The following MET variants were observed in gnomAD, a reference collection of about 807,000 sequenced individuals.
MET encodes the protein MET proto-oncogene, receptor tyrosine kinase.
A neutral mutation model predicts 133.1 loss-of-function variants in MET; 48 were observed. The ratio of observed to expected loss-of-function variants is 0.36; its 90% CI spans 0.29 to 0.46. MET has a LOEUF of 0.46. Among genes scored for constraint, MET ranks in the 20% least tolerant of loss-of-function variants. The probability of loss-of-function intolerance (pLI) is 1.00; values close to 1 mark genes in which losing one functional copy is unlikely to be tolerated. For missense variants in MET, 1,442 were observed against 1,695.9 expected (o/e 0.85, Z 2.63); for synonymous variants, 628 against 616.5 (o/e 1.02, Z -0.28).
At position 116,778,762 on chromosome 7, in the gene MET, A is replaced by C. The variant is rs374906579; in HGVS notation, c.3341-14A>C. On this transcript the variant is annotated splice_polypyrimidine_tract_variant and intron_variant, in intron 16 of 20. Coordinates refer to ENST00000397752, the MANE Select transcript of MET (RefSeq NM_000245.4). Reference sequence around the variant, plus strand: ...CCATAATGAAGTTAATGTCTCCACCACTGGATTTCTCAGGAATCACTGACA... The same window carrying C: ...CCATAATGAAGTTAATGTCTCCACCCCTGGATTTCTCAGGAATCACTGACA... 3.1e-6 allele frequency: 5 copies of C among 1,613,686 alleles called. No individual in the cohort carries two copies. The African/African-American group carries it at 4.0e-5, about 13-fold the overall frequency.
At chr7:116,733,096 T>C (rs1793079770) in intron 3 of MET, among the ~76,000 whole-genome samples, 1 of 152,164 alleles carries the variant, frequency 6.6e-6, no homozygotes. Context: ...ATTCTATCCT[T>C]AACTTCTCAA....
chr7:116,672,591 C>A lies in MET; in HGVS notation c.-15+14C>A, dbSNP rs1329709083. On this transcript the variant is annotated intron_variant, in intron 1 of 20. Coordinates refer to ENST00000397752, the MANE Select transcript of MET (RefSeq NM_000245.4). Reference sequence around the variant, plus strand: ...GGGCACCGAAAGGTAAAATTGCAGCCCCTTTCAGATCCAGTACCCAATCCC... The same window carrying A: ...GGGCACCGAAAGGTAAAATTGCAGCACCTTTCAGATCCAGTACCCAATCCC... 2.6e-6 allele frequency: 1 copy of A among 386,572 alleles called. No individual in the cohort carries two copies. The highest frequency in any genetic ancestry group is 4.6e-6 in the Non-Finnish European group (1 of 218,198). 23.9% of individuals were successfully genotyped at this position (386,572 alleles called of 1,614,324 possible).
At chr7:116,740,811 G>C (rs776541753) in intron 4 of MET, 41 bp from the exon 5 acceptor site, 1 of 1,610,392 alleles carries the variant, frequency 6.2e-7, no homozygotes, top group South Asian at 1.1e-5. Flanking sequence ...TAACAAACTA[G>C]ATACCCCTCT....
At position 116,700,043 on chromosome 7, in the gene MET, C is replaced by T. The variant is rs35776110; in HGVS notation, c.959C>T (p.Ala320Val). The T allele has an allele frequency of 2.2e-4, 357 of 1,613,886 alleles. No individual in the cohort carries two copies. Among genetic ancestry groups the T allele is most frequent in the African/African-American group, 8.9e-4 (67 of 74,994 alleles). ...KKEVFNILQA[A>V]YVSKPGAQLA... ...GAAGTGTTTAATATACTTCAGGCTG[C>T]GTATGTCAGCAAGCCTGGGGCCCAG... is the stretch of plus-strand genomic sequence containing the variant. The change falls in exon 2 of 21, where the codon GCG becomes GTG. Residue 320 changes from alanine to valine, a missense_variant. Physicochemically the swap from Ala to Val is moderately conservative, Grantham distance 64. This residue lies in a region of MET where 762 missense variants were observed against 792.4 expected (regional missense o/e 0.96). Coordinates refer to ENST00000397752, the MANE Select transcript of MET (RefSeq NM_000245.4).
rs549959989 is a variant in MET, at chr7:116,698,051, G to A, written c.-14-1020G>A. Among the ~76,000 whole-genome samples, 7 of 152,036 alleles carry A rather than the reference G, an allele frequency of 4.6e-5. No homozygotes were observed. The South Asian group carries it at 1.5e-3, about 32-fold the overall frequency. On this transcript the variant is annotated intron_variant, in intron 1 of 20. Transcript: ENST00000397752. ...CATGATGCCTAGTATGTTTTTAGAGGCTCCCTTTGTCCTATCAGAATTATG... is the reference window on the plus strand; with the variant it reads ...CATGATGCCTAGTATGTTTTTAGAGACTCCCTTTGTCCTATCAGAATTATG...
chr7:116,708,105 A>G (rs1321072964), intron 2 of MET, among the ~76,000 whole-genome samples: 1 of 152,144 alleles, frequency 6.6e-6, no homozygotes, highest in African/African-American at 2.4e-5. Context: ...ACAAGCAGAT[A>G]GACTAGTGAA....
At chr7:116,769,610 G>A (rs1487995995) in intron 11 of MET, 35 bp from the exon 12 acceptor site, 1 of 1,599,538 alleles carries the variant, frequency 6.3e-7, no homozygotes, top group Non-Finnish European at 8.5e-7. Context: ...GAACTGTGAA[G>A]TGTTAACAAC....
intron 5 of MET, among the ~76,000 whole-genome samples, chr7:116,745,211 C>A (rs1200134436): frequency 1.3e-5 from 2 of 152,088 alleles, no homozygotes; most frequent in African/African-American, 4.8e-5. Context: ...ACCTAGGAAT[C>A]CAACTTACAA....
At position 116,771,623 on chromosome 7, in the gene MET, C is replaced by A. The variant is rs1363551867; in HGVS notation, c.2856C>A (p.Phe952Leu). The A allele has an allele frequency of 6.2e-7, 1 of 1,613,696 alleles. No individual in the cohort carries two copies. Among genetic ancestry groups the A allele is most frequent in the Non-Finnish European group, 8.5e-7 (1 of 1,179,804 alleles). ...CACTGTTATTACTACTTGGGTTTTT[C>A]CTGTGGCTGAAAAAGAGAAAGCAAA... is the stretch of plus-strand genomic sequence containing the variant. ...STALLLLLGF[F>L]LWLKKRKQIK... Residue 952 changes from phenylalanine to leucine, a missense_variant, in exon 13 of 21, where the codon TTC becomes TTA. Physicochemically the swap from Phe to Leu is conservative, Grantham distance 22. This residue lies in a region of MET where 514 missense variants were observed against 659.6 expected (regional missense o/e 0.78). Coordinates refer to ENST00000397752, the MANE Select transcript of MET (RefSeq NM_000245.4).
chr7:116,795,818 G>A (rs762466945), intron 20 of MET, 27 bp downstream of exon 20: 117 of 1,613,992 alleles, frequency 7.2e-5, no homozygotes, highest in Non-Finnish European at 8.8e-5. Context: ...TACCTCTTAC[G>A]TTCTTTACTT....
At chr7:116,713,362 T>C in intron 2 of MET, among the ~76,000 whole-genome samples, 1 of 144,346 alleles carries the variant, frequency 6.9e-6, no homozygotes, top group Admixed American at 7.1e-5. Context: ...GCCACTGCAC[T>C]CCAGCCTGGG....
At chr7:116,678,303 G>T (rs1051722054) in intron 1 of MET, among the ~76,000 whole-genome samples, 2 of 152,082 alleles carry the variant, frequency 1.3e-5, no homozygotes, top group Non-Finnish European at 2.9e-5. Context: ...AATATATCAT[G>T]AAACAGTGCA....
In MET at chr7:116,741,067, GTT is replaced by G. The variant is rs112241458; in HGVS notation, c.1701+57_1701+58del. On this transcript the variant is annotated intron_variant, in intron 5 of 20. Transcript: ENST00000397752. Reference sequence around the variant, plus strand: ...GCTGGCATACATGTTTTTGTTTGGTGTTTTTTTTTTTTTTTTGGTTTGGTTTG... The same window carrying G: ...GCTGGCATACATGTTTTTGTTTGGTGTTTTTTTTTTTTTTGGTTTGGTTTG... 13,445 of 1,285,238 alleles carry G rather than the reference GTT, an allele frequency of 0.01. No individual in the cohort carries two copies. Among genetic ancestry groups the G allele is most frequent in the East Asian group, 0.012 (449 of 37,520 alleles). 79.6% of individuals were successfully genotyped at this position (1,285,238 alleles called of 1,614,324 possible).
rs559269443 is a variant in MET at position 116,750,760 on chromosome 7, G to A, written c.1702-4595G>A. Among the ~76,000 whole-genome samples, 9 of 152,218 alleles carry A rather than the reference G, an allele frequency of 5.9e-5. No individual in the cohort carries two copies. The South Asian group carries it at 1.9e-3, about 32-fold the overall frequency. On this transcript the variant is annotated intron_variant, in intron 5 of 20. Coordinates refer to ENST00000397752, the MANE Select transcript of MET (RefSeq NM_000245.4). ...AAAAAACCATCAAAAAGTGGGCCAA[G>A]GATATAAACAGACACTTCTCAAAAG... is the stretch of plus-strand genomic sequence containing the variant.
At chr7:116,717,698 T>A (rs979209403) in intron 2 of MET, among the ~76,000 whole-genome samples, 5 of 152,212 alleles carry the variant, frequency 3.3e-5, no homozygotes, top group Non-Finnish European at 7.3e-5. Context: ...AAATTTTATT[T>A]GCAAGACTGA....
At chr7:116,735,841 A>G (rs949958462) in intron 3 of MET, among the ~76,000 whole-genome samples, 13 of 149,452 alleles carry the variant, frequency 8.7e-5, no homozygotes, top group African/African-American at 3.0e-4. Context: ...CAGTGGTGCA[A>G]TCTTGGCTCA....
intron 3 of MET, among the ~76,000 whole-genome samples, chr7:116,733,657 C>G (rs1793108088): frequency 6.6e-6 from 1 of 152,030 alleles, no homozygotes; most frequent in South Asian, 2.1e-4. Flanking sequence ...TGCCTATTAA[C>G]TATGCATCCA....
Position 116,777,432 on chromosome 7 carries a change from T to A in MET, c.3303T>A (p.Asp1101Glu), listed in dbSNP as rs1304765887. The A allele has an allele frequency of 6.2e-7, 1 of 1,613,890 alleles. No individual in the cohort carries two copies. Among genetic ancestry groups the A allele is most frequent in the Admixed American group, 1.7e-5 (1 of 60,014 alleles). ...ATCATGGGACTTTGTTGGACAATGA[T>A]GGCAAGAAAATTCACTGTGCTGTGA... Reference protein sequence around the residue: ...CVYHGTLLDNDGKKIHCAVKS... With the variant: ...CVYHGTLLDNEGKKIHCAVKS... The change falls in exon 16 of 21, where the codon GAT becomes GAA. Residue 1101 changes from aspartate (D) to glutamate (E), a missense_variant. Coordinates refer to ENST00000397752, the MANE Select transcript of MET (RefSeq NM_000245.4).
Position 116,797,994 on chromosome 7 carries a change from C to T in MET, c.*1870C>T, listed in dbSNP as rs556742174. The T allele has an allele frequency of 1.4e-5, 3 of 218,914 alleles. No individual in the cohort carries two copies. The highest frequency in any genetic ancestry group is 6.7e-5 in the East Asian group (1 of 14,908). 13.6% of individuals were successfully genotyped at this position (218,914 alleles called of 1,614,324 possible). ...AGAGCTATTACAATCCAAATATTGC[C>T]GTTTCATAAATGTAATAAGTAATAC... On this transcript the variant is annotated 3_prime_UTR_variant, in exon 21 of 21. Coordinates refer to ENST00000397752, the MANE Select transcript of MET (RefSeq NM_000245.4).
Sources: allele counts gnomAD v4.1 joint callset (sites outside exome capture counted in the v4.1 genomes callset), GRCh38; gene constraint gnomAD v4.1.1; regional missense constraint gnomAD v4.1.1; transcripts MANE v1.5; gene names NCBI Gene and HGNC (gene_info 2026-07-23, HGNC 2026-07-21).